KCNT1: variants seen among roughly 807,000 people sequenced by gnomAD.
KCNT1 encodes the protein potassium channel subfamily T member 1.
KCNT1 carries 78 observed loss-of-function variants against 147.8 expected under a neutral mutation model. The observed-to-expected ratio is 0.53, with a 90% CI of 0.44 to 0.64. KCNT1 has a LOEUF of 0.64. Ranked by LOEUF, KCNT1 falls within the 30% of genes least tolerant of loss-of-function variation. The pLI is 0.00. For missense variants in KCNT1, 1,419 were observed against 1,750.3 expected (o/e 0.81, Z 3.38); for synonymous variants, 867 against 748.8 (o/e 1.16, Z -2.58).
At position 135,765,111 on chromosome 9, in the gene KCNT1, G is replaced by A. The variant is rs769072934; in HGVS notation, c.1116G>A (p.Lys372=). The A allele has an allele frequency of 3.7e-6, 6 of 1,613,434 alleles. No homozygotes were observed. ...NYSRHRAQTE[K]HVVLCVSSLK... ...GCCGCCACCGTGCGCAGACGGAGAA[G>A]CACGTGGTCCTGTGTGTCAGCTCCC... Residue 372 remains lysine (K), a synonymous_variant, in exon 12 of 31, where the codon AAG becomes AAA. Coordinates refer to ENST00000371757, the MANE Select transcript of KCNT1 (RefSeq NM_020822.3).
chr9:135,768,101 C>T (rs1173323717), intron 13 of KCNT1, among the ~76,000 whole-genome samples: 4 of 151,536 alleles, frequency 2.6e-5, no homozygotes, highest in African/African-American at 9.7e-5. Flanking sequence ...TCAGCCTGCA[C>T]ACGCTCGGGG....
intron 10 of KCNT1, among the ~76,000 whole-genome samples, chr9:135,759,128 G>A (rs1831724020): frequency 1.3e-5 from 2 of 152,224 alleles, no homozygotes; most frequent in South Asian, 4.1e-4. Context: ...TGGGCAGATT[G>A]GGGCATCCAT....
Position 135,747,693 on chromosome 9 carries a change from C to T in KCNT1, c.255-2405C>T, listed in dbSNP as rs1264007669. ...CTGAGGGACACAGCAGAGCTGGCTA[C>T]GCTGAGGGGTTGCAGGGCATGATGG... On this transcript the variant is annotated intron_variant, in intron 2 of 30. Coordinates refer to ENST00000371757, the MANE Select transcript of KCNT1 (RefSeq NM_020822.3). Among the ~76,000 whole-genome samples, 6 of 152,244 alleles carry T rather than the reference C, an allele frequency of 3.9e-5. No individual in the cohort carries two copies. The East Asian group carries it at 5.8e-4, about 15-fold the overall frequency.
intron 29 of KCNT1, 36 bp from the exon 30 acceptor site, chr9:135,791,761 G>C (rs144016467): frequency 2.9e-5 from 46 of 1,563,478 alleles, no homozygotes; most frequent in Non-Finnish European, 7.9e-6. Flanking sequence ...GGGCAGGGCT[G>C]GGGGGGTGAC....
chr9:135,727,725 C>G (rs1200423300), intron 2 of KCNT1, among the ~76,000 whole-genome samples: 2 of 152,368 alleles, frequency 1.3e-5, no homozygotes, highest in Non-Finnish European at 2.9e-5. Context: ...CTCCAGCCCC[C>G]ACTCGCTGGC....
At chr9:135,769,118 T>A in intron 15 of KCNT1, among the ~76,000 whole-genome samples, 181 bp downstream of exon 15, 1 of 87,838 alleles carries the variant, frequency 1.1e-5, no homozygotes, top group Non-Finnish European at 2.3e-5. Flanking sequence ...CACACGTGGG[T>A]GTCGGTGCGT....
chr9:135,737,285 G>A (rs1159492193), intron 2 of KCNT1, among the ~76,000 whole-genome samples: 1 of 152,198 alleles, frequency 6.6e-6, no homozygotes, highest in African/African-American at 2.4e-5. Flanking sequence ...TGTGGCAGGA[G>A]GGGTGCAGGT....
chr9:135,709,583 G>A (rs548021455), intron 1 of KCNT1, among the ~76,000 whole-genome samples: 53 of 152,250 alleles, frequency 3.5e-4, no homozygotes, highest in African/African-American at 1.2e-3. Context: ...GCAGGAGACC[G>A]TCCAACTCTG....
At chr9:135,749,419 G>T (rs1472798101) in intron 2 of KCNT1, among the ~76,000 whole-genome samples, 1 of 152,192 alleles carries the variant, frequency 6.6e-6, no homozygotes, top group Admixed American at 6.5e-5. Context: ...CATGAGCAGC[G>T]GCGTGCATGG....
chr9:135,734,345 C>A (rs1167758923), intron 2 of KCNT1, among the ~76,000 whole-genome samples: 4 of 152,190 alleles, frequency 2.6e-5, no homozygotes, highest in Non-Finnish European at 4.4e-5. Flanking sequence ...GTCCTGGTGC[C>A]CTGAGGCCAG....
rs907537917 is a variant in KCNT1 at position 135,775,241 on chromosome 9, A to AG, written c.2244-63dup. 3.2e-6 allele frequency: 4 copies of AG among 1,245,076 alleles called. No individual in the cohort carries two copies. The African/African-American group carries it at 4.6e-5, about 14-fold the overall frequency. The allele number at this position is 1,245,076 out of a possible 1,614,324, so 77.1% of individuals were successfully genotyped here. ...GGGTGCCCTCGAGTCCCCCAGCCCGAGGGGGGCCCCAGAGCAGACCCAGCC... is the reference window on the plus strand; with the variant it reads ...GGGTGCCCTCGAGTCCCCCAGCCCGAGGGGGGGCCCCAGAGCAGACCCAGCC... On this transcript the variant is annotated intron_variant, in intron 19 of 30. Coordinates refer to ENST00000371757, the MANE Select transcript of KCNT1 (RefSeq NM_020822.3).
At chr9:135,765,861 G>C (rs1163148276) in intron 13 of KCNT1, 101 bp downstream of exon 13, 5 of 1,105,712 alleles carry the variant, frequency 4.5e-6, no homozygotes, top group Non-Finnish European at 6.5e-6. Flanking sequence ...TGGCCAATGA[G>C]AGCCATGAGA....
At chr9:135,717,027 G>A (rs1202110667) in intron 2 of KCNT1, among the ~76,000 whole-genome samples, 1 of 151,888 alleles carries the variant, frequency 6.6e-6, no homozygotes, top group Non-Finnish European at 1.5e-5. Context: ...AGGACGGGAG[G>A]GGACCTGGCC....
intron 2 of KCNT1, among the ~76,000 whole-genome samples, chr9:135,743,558 C>T (rs2131388334): frequency 6.6e-6 from 1 of 152,344 alleles, no homozygotes; most frequent in Admixed American, 6.5e-5. Context: ...CCTCTATCTT[C>T]CCAGCCTGGG....
chr9:135,768,779 A>G (rs767977507), intron 14 of KCNT1, 50 bp from the exon 15 acceptor site: 2 of 1,568,768 alleles, frequency 1.3e-6, no homozygotes, highest in East Asian at 4.6e-5. Context: ...GCCGCCCAGC[A>G]GCCCACAGAG....
At chr9:135,720,082 G>A (rs1835865164) in intron 2 of KCNT1, among the ~76,000 whole-genome samples, 1 of 152,164 alleles carries the variant, frequency 6.6e-6, no homozygotes, top group African/African-American at 2.4e-5. Flanking sequence ...CGGCCCCACA[G>A]GCAGCAACTG....
rs1834560715 is a variant in KCNT1, at chr9:135,791,867, G to A, written c.3573G>A (p.Glu1191=). The change falls in exon 30 of 31, where the codon GAG becomes GAA. Residue 1191 remains glutamate (E), a synonymous_variant. Transcript: ENST00000371757. ...LINPPPDTRL[E]PSDIVYLIRS... is the part of the protein sequence containing the mutation. ...ACCCTCCGCCCGACACGAGGCTGGA[G>A]CCCAGTGACATTGTGTGAGTAGCAC... The A allele has an allele frequency of 1.2e-6, 2 of 1,613,950 alleles. No individual in the cohort carries two copies. Among genetic ancestry groups the A allele is most frequent in the Non-Finnish European group, 1.7e-6 (2 of 1,179,950 alleles).
At chr9:135,708,288 A>G (rs994660317) in intron 1 of KCNT1, among the ~76,000 whole-genome samples, 10 of 152,230 alleles carry the variant, frequency 6.6e-5, no homozygotes, top group Admixed American at 5.2e-4. Context: ...ATACATGCAC[A>G]TTGTACATAC....
intron 23 of KCNT1, 38 bp from the exon 24 acceptor site, chr9:135,779,321 C>G: frequency 1.5e-6 from 2 of 1,362,200 alleles, no homozygotes; most frequent in Non-Finnish European, 2.1e-6. Flanking sequence ...CTCCTACAAC[C>G]ACCATGGGCC....
Sources: gnomAD v4.1 joint callset for allele counts (sites outside exome capture counted in the v4.1 genomes callset) on GRCh38, gnomAD v4.1.1 for gene constraint, MANE v1.5 for transcripts, NCBI Gene and HGNC (gene_info 2026-07-23, HGNC 2026-07-21) for gene names.